The following COL5A1 variants were observed in gnomAD, a reference collection of about 807,000 sequenced individuals.
The protein encoded by COL5A1 is collagen type V alpha 1 chain, also known as collagen alpha-1(V) chain.
Under a neutral mutation model 263.7 loss-of-function variants are expected in COL5A1, and 16 were observed. That is an observed-to-expected ratio of 0.06 (90% CI 0.04 to 0.09). The LOEUF is 0.09. Ranked by LOEUF, COL5A1 falls within the 10% of genes least tolerant of loss-of-function variation. The probability of loss-of-function intolerance (pLI) is 1.00; values close to 1 mark genes in which losing one functional copy is unlikely to be tolerated. For missense variants in COL5A1, 2,036 were observed against 2,540.5 expected (o/e 0.80, Z 4.27); for synonymous variants, 1,012 against 1,004.5 (o/e 1.01, Z -0.14).
intron 37 of COL5A1, among the ~76,000 whole-genome samples, chr9:134,800,017 G>T (rs1017259265): frequency 1.1e-4 from 17 of 152,150 alleles, no homozygotes; most frequent in African/African-American, 4.1e-4. Context: ...AGCCACTTGG[G>T]ACATAGCATC....
rs1020023419 is a variant in COL5A1, at chr9:134,691,187, C to T, written c.277+108C>T. On this transcript the variant is annotated intron_variant, in intron 2 of 65. Coordinates refer to ENST00000371817, the MANE Select transcript of COL5A1 (RefSeq NM_000093.5). ...TGGTGGCAGAAGCGGGCTCAGCTTTCCAGGAAGCCCCTCTCACGAGCCCGG... is the reference window on the plus strand; with the variant it reads ...TGGTGGCAGAAGCGGGCTCAGCTTTTCAGGAAGCCCCTCTCACGAGCCCGG... 8.6e-6 allele frequency: 12 copies of T among 1,398,934 alleles called. No individual in the cohort carries two copies. In the Admixed American group the frequency reaches 1.6e-4, roughly 19 times the overall value. The allele number at this position is 1,398,934 out of a possible 1,614,324, so 86.7% of individuals were successfully genotyped here. A position where few individuals can be genotyped will look rare whatever the true frequency, so the allele number is the denominator to read the frequency against.
chr9:134,732,048 C>T (rs1404120115), intron 8 of COL5A1, 23 bp from the exon 9 acceptor site: 3 of 1,613,254 alleles, frequency 1.9e-6, no homozygotes, highest in East Asian at 2.2e-5. Context: ...ATTCTCTTTC[C>T]ATCTGCCTTT....
chr9:134,738,618 C>T (rs1259405057), intron 10 of COL5A1, 103 bp downstream of exon 10: 131 of 1,562,278 alleles, frequency 8.4e-5, no homozygotes, highest in Non-Finnish European at 1.1e-4. Context: ...GGGGGCTCTC[C>T]GCTTTTGCAG....
At chr9:134,797,752 G>A (rs142256965) in intron 36 of COL5A1, among the ~76,000 whole-genome samples, 2 of 152,118 alleles carry the variant, frequency 1.3e-5, no homozygotes, top group African/African-American at 4.8e-5. Context: ...CAAAGTGCTG[G>A]GATTACAGCC....
rs1237271261 is a variant in COL5A1, at chr9:134,679,578, GGGCACTGTGGGGCTGGTT to G, written c.110-11331_110-11314del. On this transcript the variant is annotated intron_variant, in intron 1 of 65. Transcript: ENST00000371817. Reference sequence around the variant, plus strand: ...TAGGGGGCACTGTGGGGCTGGCTAGGGGCACTGTGGGGCTGGTTGGGCACTGCGGGGCTGGTTGGGGGC... The same window carrying G: ...TAGGGGGCACTGTGGGGCTGGCTAGGGGGCACTGCGGGGCTGGTTGGGGGC... Among the ~76,000 whole-genome samples the G allele has an allele frequency of 3.0e-3, 275 of 90,416 alleles. 3 individuals carry two copies. The highest frequency in any genetic ancestry group is 4.6e-3 in the African/African-American group (99 of 21,654). 59.3% of individuals were successfully genotyped at this position (90,416 alleles called of 152,430 possible).
intron 49 of COL5A1, 65 bp from the exon 50 acceptor site, chr9:134,814,732 C>A: frequency 8.0e-7 from 1 of 1,243,050 alleles, no homozygotes; most frequent in Non-Finnish European, 1.2e-6. Context: ...ACCGGGGAGG[C>A]CCACCTTGCT....
In COL5A1 at chr9:134,647,640, A is replaced by G. The variant is rs1207750714; in HGVS notation, c.109+5344A>G. Among the ~76,000 whole-genome samples the G allele has an allele frequency of 6.6e-6, 1 of 152,082 alleles. No individual in the cohort carries two copies. Among genetic ancestry groups the G allele is most frequent in the Non-Finnish European group, 1.5e-5 (1 of 68,008 alleles). ...CCCCAGCTGGACGGGAGAGGAGGAG[A>G]TGGCACGTGGAACCTGCCGGTTGAG... On this transcript the variant is annotated intron_variant, in intron 1 of 65. Coordinates refer to ENST00000371817, the MANE Select transcript of COL5A1 (RefSeq NM_000093.5). The surrounding 1 kb of genome is among the most constrained non-coding windows in gnomAD (Gnocchi z 5.0).
intron 32 of COL5A1, among the ~76,000 whole-genome samples, chr9:134,790,240 C>A (rs1418657874): frequency 6.6e-6 from 1 of 152,228 alleles, no homozygotes; most frequent in Non-Finnish European, 1.5e-5. Flanking sequence ...TGTAAGTTGG[C>A]AGCACAGACC....
chr9:134,797,956 G>A lies in COL5A1; in HGVS notation c.2899-452G>A, dbSNP rs531998220. Reference sequence around the variant, plus strand: ...CCACATGTCCTTTTTGGGGACACACGTCGCCTTATGGCAGGTGTGATGTAT... The same window carrying A: ...CCACATGTCCTTTTTGGGGACACACATCGCCTTATGGCAGGTGTGATGTAT... On this transcript the variant is annotated intron_variant, in intron 36 of 65. Coordinates refer to ENST00000371817, the MANE Select transcript of COL5A1 (RefSeq NM_000093.5). Among the ~76,000 whole-genome samples the A allele has an allele frequency of 3.0e-4, 45 of 152,336 alleles. 1 individual carries two copies. The highest frequency in any genetic ancestry group is 1.2e-3 in the South Asian group (6 of 4,818).
At chr9:134,807,708 T>G (rs573942805) in intron 42 of COL5A1, among the ~76,000 whole-genome samples, 3 of 152,300 alleles carry the variant, frequency 2.0e-5, no homozygotes, top group African/African-American at 7.2e-5. Context: ...TCTGGGCCAT[T>G]GAGAATCTGT....
At chr9:134,671,057 T>A (rs1832526594) in intron 1 of COL5A1, among the ~76,000 whole-genome samples, 1 of 152,202 alleles carries the variant, frequency 6.6e-6, no homozygotes, top group South Asian at 2.1e-4. Context: ...GGCCGCAGCC[T>A]GACTCAGTCG....
At position 134,814,029 on chromosome 9, in the gene COL5A1, G is replaced by C. The variant is rs1838643534; in HGVS notation, c.3899G>C (p.Gly1300Ala). 1.3e-6 allele frequency: 2 copies of C among 1,550,736 alleles called. No homozygotes were observed. Among genetic ancestry groups the C allele is most frequent in the Admixed American group, 2.0e-5 (1 of 51,016 alleles). ...AGEPGLPGEGGPPGPKGERGE... is the reference protein window; with the variant it reads ...AGEPGLPGEGAPPGPKGERGE... ...GAGCCTGGCCTTCCGGGAGAAGGCGGCCCCCCGGTGAGTGAGCGGGCGCTG... is the reference window on the plus strand; with the variant it reads ...GAGCCTGGCCTTCCGGGAGAAGGCGCCCCCCCGGTGAGTGAGCGGGCGCTG... Residue 1300 changes from glycine (G) to alanine (A), a missense_variant, in exon 49 of 66, where the codon GGC becomes GCC. Transcript: ENST00000371817.
At chr9:134,748,814 C>T (rs187640899) in intron 11 of COL5A1, among the ~76,000 whole-genome samples, 62 of 152,256 alleles carry the variant, frequency 4.1e-4, no homozygotes, top group African/African-American at 1.4e-3. Flanking sequence ...CAACGTGCAT[C>T]GGCAGAAGAC....
At chr9:134,718,382 A>G (rs938205352) in intron 4 of COL5A1, among the ~76,000 whole-genome samples, 3 of 152,236 alleles carry the variant, frequency 2.0e-5, no homozygotes, top group Non-Finnish European at 4.4e-5. Flanking sequence ...CCAGGAATGT[A>G]AAGGGGGAAA....
intron 25 of COL5A1, among the ~76,000 whole-genome samples, chr9:134,768,739 C>A (rs1836769214): frequency 1.3e-5 from 2 of 152,200 alleles, no homozygotes; most frequent in African/African-American, 4.8e-5. Context: ...GGAAGTCAGG[C>A]CTGCGTGCTG....
chr9:134,836,189 G>A (rs1309949986), intron 65 of COL5A1, among the ~76,000 whole-genome samples: 8 of 152,028 alleles, frequency 5.3e-5, no homozygotes, highest in Non-Finnish European at 8.8e-5. Flanking sequence ...TCTGCAGGCT[G>A]TCCAGGAATC....
At chr9:134,835,354 G>A (rs958940207) in intron 65 of COL5A1, 150 bp downstream of exon 65, 17 of 695,340 alleles carry the variant, frequency 2.4e-5, no homozygotes, top group South Asian at 3.5e-5. Flanking sequence ...CCCCACAGTT[G>A]CAGGGAGACT....
In COL5A1 at chr9:134,758,290, C is replaced by T. The variant is rs1836060647; in HGVS notation, c.1929C>T (p.Gly643=). 2.5e-6 allele frequency: 4 copies of T among 1,613,942 alleles called. No homozygotes were observed. The East Asian group carries it at 8.9e-5, about 36-fold the overall frequency. ...TGGCTGGGTTGCCAGGCGAGAAGGG[C>T]CACAGGGTGAGTATTTCCTCTGTGA... ...DGLAGLPGEK[G]HRGDPGPSGP... Residue 643 remains glycine (G), a synonymous_variant, in exon 18 of 66, where the codon GGC becomes GGT. Coordinates refer to ENST00000371817, the MANE Select transcript of COL5A1 (RefSeq NM_000093.5). This position sits in a 1 kb window ranked among gnomAD's most constrained non-coding sequence, Gnocchi z 4.1.
intron 14 of COL5A1, among the ~76,000 whole-genome samples, chr9:134,752,970 G>C (rs1003520919): frequency 6.6e-6 from 1 of 152,100 alleles, no homozygotes; most frequent in African/African-American, 2.4e-5. Flanking sequence ...GGAATCAGAG[G>C]AGGAGGCCCC....
Sources: gnomAD v4.1 joint callset for allele counts (sites outside exome capture counted in the v4.1 genomes callset) on GRCh38, gnomAD v4.1.1 for gene constraint, Gnocchi (gnomAD v3.1) non-coding constraint, MANE v1.5 for transcripts, NCBI Gene and HGNC (gene_info 2026-07-23, HGNC 2026-07-21) for gene names.